The following NAP1L4 variants were observed in gnomAD, a reference collection of about 807,000 sequenced individuals.
The protein encoded by NAP1L4 is nucleosome assembly protein 1 like 4.
A neutral mutation model predicts 58.2 loss-of-function variants in NAP1L4; 15 were observed. The observed-to-expected ratio is 0.26, with a 90% CI of 0.17 to 0.40. The LOEUF is 0.40. Ranked by LOEUF, NAP1L4 falls within the 10% of genes least tolerant of loss-of-function variation. NAP1L4 has a pLI of 1.00. For synonymous variants in NAP1L4, 171 were observed against 155.6 expected (o/e 1.10, Z -0.74); for missense variants, 384 against 451.1 (o/e 0.85, Z 1.35).
chr11:2,963,415 C>G (rs11024766), intron 8 of NAP1L4, among the ~76,000 whole-genome samples: 40,168 of 152,074 alleles, frequency 0.26, 7,075 homozygotes, highest in East Asian at 0.67. Flanking sequence ...CCACATGGGG[C>G]AAGGAAGATG....
rs796204837 is a variant in NAP1L4 at position 2,951,821 on chromosome 11, C to T, written c.1036-12G>A. On this transcript the variant is annotated splice_polypyrimidine_tract_variant and intron_variant, in intron 12 of 15. Transcript: ENST00000380542. This position sits in a 1 kb window ranked among gnomAD's most constrained non-coding sequence, Gnocchi z 4.0. ...TCACCTTCTTCAAACTGGAGAAACA[C>T]AGAAAAACATTTTTAGGTTTACAAA... is the stretch of plus-strand genomic sequence containing the variant. The T allele has an allele frequency of 6.2e-7, 1 of 1,613,926 alleles. No individual in the cohort carries two copies. Among genetic ancestry groups the T allele is most frequent in the Non-Finnish European group, 8.5e-7 (1 of 1,179,862 alleles).
At chr11:2,978,858 C>A (rs947808844) in intron 2 of NAP1L4, among the ~76,000 whole-genome samples, 1 of 152,332 alleles carries the variant, frequency 6.6e-6, no homozygotes, top group South Asian at 2.1e-4. Context: ...AAATAATATA[C>A]ACAACTAAAA....
rs16928977 is a variant in NAP1L4, at chr11:2,978,418, T to C, written c.15-76A>G. 6,495 of 1,330,626 alleles carry C rather than the reference T, an allele frequency of 4.9e-3. 256 individuals carry two copies. The African/African-American group carries it at 0.083, about 17-fold the overall frequency. The allele number at this position is 1,330,626 out of a possible 1,614,324, so 82.4% of individuals were successfully genotyped here. A position where few individuals can be genotyped will look rare whatever the true frequency, so the allele number is the denominator to read the frequency against. On this transcript the variant is annotated intron_variant, in intron 2 of 15. Transcript: ENST00000380542. The stretch of plus-strand genomic sequence containing the variant: ...ACATAGCACAAATGGACATGTTTCT[T>C]ATTCAATATATTAAGAGGTATCTGT...
intron 1 of NAP1L4, among the ~76,000 whole-genome samples, chr11:2,986,442 G>A (rs937611879): frequency 4.0e-5 from 6 of 151,722 alleles, no homozygotes; most frequent in African/African-American, 1.5e-4. Context: ...GCTAGAGAGT[G>A]TAGTCGTACT....
At chr11:2,968,987 TG>T (rs1847459275) in intron 7 of NAP1L4, among the ~76,000 whole-genome samples, 3 of 108,044 alleles carry the variant, frequency 2.8e-5, no homozygotes, top group Admixed American at 2.3e-4. Context: ...GTTGTTGTGT[TG>T]TTTTTTTTTT....
rs1412744949 is a variant in NAP1L4, at chr11:2,949,356, T to C, written c.1123-92A>G. The C allele has an allele frequency of 7.5e-6, 8 of 1,069,480 alleles. No individual in the cohort carries two copies. Among genetic ancestry groups the C allele is most frequent in the East Asian group, 2.4e-5 (1 of 42,178 alleles). The allele number at this position is 1,069,480 out of a possible 1,614,324, so 66.2% of individuals were successfully genotyped here. A position where few individuals can be genotyped will look rare whatever the true frequency, so the allele number is the denominator to read the frequency against. The stretch of plus-strand genomic sequence containing the variant: ...AGGAGGAAACGGCCACAATTTCTCA[T>C]GATACAAAAGGGCTGCAAGATACTG... On this transcript the variant is annotated intron_variant, in intron 14 of 15. Coordinates refer to ENST00000380542, the MANE Select transcript of NAP1L4 (RefSeq NM_005969.4). This position sits in a 1 kb window ranked among gnomAD's most constrained non-coding sequence, Gnocchi z 4.0.
rs11024848 is a variant in NAP1L4, at chr11:2,979,299, T to G, written c.-17-62A>C. 6.3e-4 allele frequency: 882 copies of G among 1,393,934 alleles called. 6 individuals are homozygous for G. The African/African-American group carries it at 0.012, about 19-fold the overall frequency. 86.3% of individuals were successfully genotyped at this position (1,393,934 alleles called of 1,614,324 possible). On this transcript the variant is annotated intron_variant, in intron 1 of 15. Coordinates refer to ENST00000380542, the MANE Select transcript of NAP1L4 (RefSeq NM_005969.4). ...AAGCAAAAATGTTTGTTCAATATACTTTTTAAACAACGGTTATCTGTGGGA... is the reference window on the plus strand; with the variant it reads ...AAGCAAAAATGTTTGTTCAATATACGTTTTAAACAACGGTTATCTGTGGGA...
At chr11:2,966,248 G>C (rs1019065485) in intron 7 of NAP1L4, among the ~76,000 whole-genome samples, 4 of 152,184 alleles carry the variant, frequency 2.6e-5, no homozygotes, top group African/African-American at 9.7e-5. Flanking sequence ...TACACAATGT[G>C]TAATAAATCA....
At chr11:2,947,950 G>T (rs766109134) in intron 15 of NAP1L4, among the ~76,000 whole-genome samples, 2 of 152,192 alleles carry the variant, frequency 1.3e-5, no homozygotes, top group Non-Finnish European at 2.9e-5. Flanking sequence ...ACTCCTCGGG[G>T]GTTGCTGCTG....
intron 4 of NAP1L4, among the ~76,000 whole-genome samples, chr11:2,972,745 G>T (rs561383951): frequency 5.3e-5 from 8 of 152,332 alleles, no homozygotes; most frequent in African/African-American, 1.9e-4. Flanking sequence ...GCCAAGGTAG[G>T]ATTGCTTGAG....
At position 2,944,524 on chromosome 11, in the gene NAP1L4, A is replaced by C. The variant is rs923385448; in HGVS notation, c.*1155T>G. 3.3e-5 allele frequency: 5 copies of C among 152,292 alleles called. No homozygotes were observed. The highest frequency in any genetic ancestry group is 1.2e-4 in the African/African-American group (5 of 41,476). The allele number at this position is 152,292 out of a possible 1,614,324, so 9.4% of individuals were successfully genotyped here. On this transcript the variant is annotated 3_prime_UTR_variant, in exon 16 of 16. Transcript: ENST00000380542. Reference sequence around the variant, plus strand: ...TCAGTTACAAATGTGTTCTAAGGTTAGGCCGAGCACTCTCCACAGGCCTGG... The same window carrying C: ...TCAGTTACAAATGTGTTCTAAGGTTCGGCCGAGCACTCTCCACAGGCCTGG...
chr11:2,958,794 G>C, intron 9 of NAP1L4: 1 of 508,084 alleles, frequency 2.0e-6, no homozygotes, highest in Non-Finnish European at 3.5e-6. Context: ...ATTTTCCCAA[G>C]ACATTTCATC....
At chr11:2,969,148 G>A (rs12281407) in intron 7 of NAP1L4, among the ~76,000 whole-genome samples, 15,944 of 151,694 alleles carry the variant, frequency 0.11, 985 homozygotes, top group African/African-American at 0.16. Flanking sequence ...ACACCACAAC[G>A]CCCAGCTAAC....
intron 8 of NAP1L4, chr11:2,963,713 A>AG (rs1260352906): frequency 5.8e-6 from 3 of 517,030 alleles, no homozygotes; most frequent in African/African-American, 5.8e-5. Context: ...GACTGGCCCC[A>AG]GGCCCCTACC....
At position 2,951,680 on chromosome 11, in the gene NAP1L4, T is replaced by C. The variant is rs1846234789; in HGVS notation, c.1065+100A>G. On this transcript the variant is annotated intron_variant, in intron 13 of 15. Transcript: ENST00000380542. The surrounding 1 kb of genome is among the most constrained non-coding windows in gnomAD (Gnocchi z 4.0). ...GAATCAAAGACAGCGTCACAAAAAA[T>C]GGGTTTAACACAGCCCTGTGAGTCC... 2 of 1,161,678 alleles carry C rather than the reference T, an allele frequency of 1.7e-6. No homozygotes were observed. Among genetic ancestry groups the C allele is most frequent in the African/African-American group, 3.1e-5 (2 of 65,372 alleles). 72.0% of individuals were successfully genotyped at this position (1,161,678 alleles called of 1,614,324 possible). A position where few individuals can be genotyped will look rare whatever the true frequency, so the allele number is the denominator to read the frequency against.
Position 2,945,647 on chromosome 11 carries a change from C to T in NAP1L4, c.*33-1G>A. ...ATTCCGCCGGCTGGCTGGGTTCCTT[C>T]TGTCAATGAAAAAGACAAGGCTTGT... On this transcript the variant is annotated splice_acceptor_variant, in intron 15 of 15. Coordinates refer to ENST00000380542, the MANE Select transcript of NAP1L4 (RefSeq NM_005969.4). LOFTEE classifies it low-confidence loss of function (3UTR_SPLICE). 6.5e-7 allele frequency: 1 copy of T among 1,535,956 alleles called. No individual in the cohort carries two copies. Among genetic ancestry groups the T allele is most frequent in the Non-Finnish European group, 8.7e-7 (1 of 1,146,824 alleles).
intron 4 of NAP1L4, among the ~76,000 whole-genome samples, chr11:2,974,082 A>T (rs1331636786): frequency 6.6e-6 from 1 of 152,190 alleles, no homozygotes; most frequent in Non-Finnish European, 1.5e-5. Flanking sequence ...ATACAATTTT[A>T]AATTAGTTTA....
At position 2,954,830 on chromosome 11, in the gene NAP1L4, A is replaced by G; in HGVS notation, c.916-184T>C. On this transcript the variant is annotated intron_variant, in intron 11 of 15. Coordinates refer to ENST00000380542, the MANE Select transcript of NAP1L4 (RefSeq NM_005969.4). This position sits in a 1 kb window ranked among gnomAD's most constrained non-coding sequence, Gnocchi z 4.8. ...CTTTAAAACAACTTTAAGTAGCTTT[A>G]AAGAGCTACTGAAGCAAAATGGCAG... 4.2e-6 allele frequency: 3 copies of G among 714,496 alleles called. No individual in the cohort carries two copies. The highest frequency in any genetic ancestry group is 6.9e-6 in the Non-Finnish European group (3 of 432,098). The allele number at this position is 714,496 out of a possible 1,614,324, so 44.3% of individuals were successfully genotyped here.
At chr11:2,975,645 G>GTT (rs879711008) in intron 4 of NAP1L4, among the ~76,000 whole-genome samples, 4 of 146,544 alleles carry the variant, frequency 2.7e-5, no homozygotes, top group Non-Finnish European at 6.0e-5. Flanking sequence ...ACTATGCCCA[G>GTT]TTTTTTTTTT....
Sources: gnomAD v4.1 joint callset for allele counts (sites outside exome capture counted in the v4.1 genomes callset) on GRCh38, gnomAD v4.1.1 for gene constraint, Gnocchi (gnomAD v3.1) non-coding constraint, MANE v1.5 for transcripts, NCBI Gene and HGNC (gene_info 2026-07-23, HGNC 2026-07-21) for gene names.